STOX2: variants seen among roughly 807,000 people sequenced by gnomAD.
STOX2 encodes storkhead-box protein 2.
Under a neutral mutation model 60.9 loss-of-function variants are expected in STOX2, and 28 were observed. The observed-to-expected ratio is 0.46, with a 90% CI of 0.34 to 0.63. The LOEUF (loss-of-function observed/expected upper bound fraction) is 0.63. Ranked by LOEUF, STOX2 falls within the 30% of genes least tolerant of loss-of-function variation. STOX2 has a pLI of 0.01. For missense variants in STOX2, 1,024 were observed against 1,187.7 expected (o/e 0.86, Z 2.03); for synonymous variants, 472 against 463.9 (o/e 1.02, Z -0.22).
At chr4:183,817,673 T>G (rs1369449536) in intron 1 of STOX2, among the ~76,000 whole-genome samples, 1 of 152,210 alleles carries the variant, frequency 6.6e-6, no homozygotes, top group Non-Finnish European at 1.5e-5. Flanking sequence ...TTTTGAGAAG[T>G]TACATCTCAT....
chr4:183,887,361 A>T (rs1013691810), intron 1 of STOX2, among the ~76,000 whole-genome samples: 1 of 152,234 alleles, frequency 6.6e-6, no homozygotes, highest in African/African-American at 2.4e-5. Flanking sequence ...TTAGGCCGTT[A>T]TAAATTTAGT....
chr4:183,923,351 T>C (rs1350772930), intron 1 of STOX2, among the ~76,000 whole-genome samples: 1 of 152,230 alleles, frequency 6.6e-6, no homozygotes, highest in Non-Finnish European at 1.5e-5. Context: ...TAGTCATGTA[T>C]GTTATGAAGT....
At chr4:183,974,863 AGT>A (rs1732391650) in intron 1 of STOX2, among the ~76,000 whole-genome samples, 1 of 152,210 alleles carries the variant, frequency 6.6e-6, no homozygotes, top group African/African-American at 2.4e-5. Context: ...ACATTTATAA[AGT>A]GTTCCTCCCT....
intron 1 of STOX2, among the ~76,000 whole-genome samples, chr4:183,966,124 T>A (rs1167435953): frequency 6.7e-6 from 1 of 150,022 alleles, no homozygotes; most frequent in Admixed American, 6.6e-5. Context: ...TCAGAGAGAG[T>A]TTTGGGACCA....
intron 1 of STOX2, among the ~76,000 whole-genome samples, chr4:183,997,769 A>C (rs1420513605): frequency 6.6e-6 from 1 of 152,232 alleles, no homozygotes; most frequent in Non-Finnish European, 1.5e-5. Context: ...AGGTGGAGAC[A>C]GTTACTTAGA....
chr4:183,798,701 G>A, intron 1 of STOX2: 1 of 985,342 alleles, frequency 1.0e-6, no homozygotes, highest in Non-Finnish European at 1.2e-6. Context: ...AGAGGCCGGA[G>A]GAAAAAAAAT....
At chr4:183,952,611 T>C (rs1458219055) in intron 1 of STOX2, among the ~76,000 whole-genome samples, 1 of 152,250 alleles carries the variant, frequency 6.6e-6, no homozygotes, top group Non-Finnish European at 1.5e-5. Context: ...TTCTCCATCT[T>C]GACAGCCTTA....
Position 183,923,429 on chromosome 4 carries a change from TCTGTGTTGTCTGCTGC to T in STOX2, c.166+16474_166+16489del, listed in dbSNP as rs545453294. Among the ~76,000 whole-genome samples the T allele has an allele frequency of 1.6e-4, 24 of 152,352 alleles. No homozygotes were observed. The South Asian group carries it at 4.6e-3, about 29-fold the overall frequency. ...AAGTTAGAAGAAAACTGGAGTGATC[TCTGTGTTGTCTGCTGC>T]ACAGAGAAACATGATCAGCTGGAGT... On this transcript the variant is annotated intron_variant, in intron 1 of 3. Transcript: ENST00000308497.
chr4:183,953,413 C>G (rs1743152452), intron 1 of STOX2, among the ~76,000 whole-genome samples: 1 of 152,156 alleles, frequency 6.6e-6, no homozygotes, highest in African/African-American at 2.4e-5. Flanking sequence ...TTCATTGCCA[C>G]CTTCCCCTCC....
intron 1 of STOX2, among the ~76,000 whole-genome samples, chr4:183,803,265 G>A (rs971028209): frequency 2.6e-5 from 4 of 152,004 alleles, no homozygotes; most frequent in African/African-American, 9.7e-5. Context: ...ATTTGGGTGG[G>A]GACACAGCTC....
At position 183,964,621 on chromosome 4, in the gene STOX2, G is replaced by A. The variant is rs964366785; in HGVS notation, c.167-36704G>A. Among the ~76,000 whole-genome samples, 7 of 147,424 alleles carry A rather than the reference G, an allele frequency of 4.7e-5. No individual in the cohort carries two copies. The South Asian group carries it at 1.2e-3, about 26-fold the overall frequency. ...GTTTTGCTTTTTGAGACAGAGTGTT[G>A]CTCCGTCGCACCCAGCAGTGGTGCA... On this transcript the variant is annotated intron_variant, in intron 1 of 3. Coordinates refer to ENST00000308497, the MANE Select transcript of STOX2 (RefSeq NM_020225.3).
chr4:183,999,933 C>A (rs1733513744), intron 1 of STOX2, among the ~76,000 whole-genome samples: 1 of 152,080 alleles, frequency 6.6e-6, no homozygotes, highest in South Asian at 2.1e-4. Context: ...TTTTGGTCAA[C>A]CATGGTAGCT....
In STOX2 at chr4:183,886,486, T is replaced by C. The variant is rs541922577; in HGVS notation, c.364+88431T>C. Among the ~76,000 whole-genome samples, 5 of 149,212 alleles carry C rather than the reference T, an allele frequency of 3.4e-5. No individual in the cohort carries two copies. The South Asian group carries it at 6.2e-4, about 19-fold the overall frequency. On this transcript the variant is annotated intron_variant, in intron 1 of 2. Coordinates refer to the STOX2 transcript ENST00000513034. Reference sequence around the variant, plus strand: ...TGAGAAGAAATTCTGCCTGCATGTCTGTGAGTCCATTGAGGACACTTAGGG... The same window carrying C: ...TGAGAAGAAATTCTGCCTGCATGTCCGTGAGTCCATTGAGGACACTTAGGG...
intron 1 of STOX2, among the ~76,000 whole-genome samples, chr4:183,988,085 C>G (rs1485500596): frequency 1.4e-5 from 2 of 140,996 alleles, no homozygotes; most frequent in African/African-American, 2.5e-5. Context: ...GAGAGTGTGC[C>G]CCTCGCCACC....
chr4:183,855,907 T>A (rs1448771836), intron 1 of STOX2, among the ~76,000 whole-genome samples: 2 of 152,220 alleles, frequency 1.3e-5, no homozygotes, highest in Admixed American at 6.5e-5. Context: ...CTCACGATGC[T>A]ACTCTGATAG....
At chr4:183,954,455 A>AT (rs1301850128) in intron 1 of STOX2, among the ~76,000 whole-genome samples, 5 of 151,020 alleles carry the variant, frequency 3.3e-5, no homozygotes, top group Admixed American at 1.3e-4. Context: ...TACCTGGCTA[A>AT]TTTTTTGTAT....
At chr4:183,890,589 G>A (rs963722152) in intron 1 of STOX2, among the ~76,000 whole-genome samples, 1 of 151,986 alleles carries the variant, frequency 6.6e-6, no homozygotes, top group Non-Finnish European at 1.5e-5. Flanking sequence ...AGGGAGGGAT[G>A]ATGGAGGGCA....
chr4:183,818,577 C>T lies in STOX2; in HGVS notation c.364+20522C>T, dbSNP rs1371914784. Among the ~76,000 whole-genome samples the T allele has an allele frequency of 3.3e-5, 5 of 152,258 alleles. No individual in the cohort carries two copies. In the South Asian group the frequency reaches 6.2e-4, roughly 19 times the overall value. The stretch of plus-strand genomic sequence containing the variant: ...CTTTTCTATTCGACAAAACCGCCAT[C>T]GTCATCATGGCCCGTTCTCAATGAG... On this transcript the variant is annotated intron_variant, in intron 1 of 2. Transcript: ENST00000513034.
chr4:183,938,220 C>A (rs1428422478), intron 1 of STOX2, among the ~76,000 whole-genome samples: 1 of 152,192 alleles, frequency 6.6e-6, no homozygotes, highest in Non-Finnish European at 1.5e-5. Context: ...CCTTAACATA[C>A]CTTTTGTGAG....
Sources: gnomAD v4.1 joint callset for allele counts (sites outside exome capture counted in the v4.1 genomes callset) on GRCh38, gnomAD v4.1.1 for gene constraint, MANE v1.5 for transcripts, NCBI Gene and HGNC (gene_info 2026-07-23, HGNC 2026-07-21) for gene names.